Variants in TMOD1 observed in about 807,000 individuals in gnomAD.
TMOD1 encodes the protein tropomodulin 1.
Under a neutral mutation model 40.6 loss-of-function variants are expected in TMOD1, and 17 were observed. The observed-to-expected ratio is 0.42, with a 90% CI of 0.29 to 0.63. The LOEUF is 0.63. Ranked by LOEUF, TMOD1 falls within the 20% of genes least tolerant of loss-of-function variation. The pLI is 0.22. For synonymous variants in TMOD1, 181 were observed against 175.0 expected (o/e 1.03, Z -0.27); for missense variants, 391 against 447.6 (o/e 0.87, Z 1.14).
intron 9 of TMOD1, among the ~76,000 whole-genome samples, chr9:97,592,697 GCACAGACCC>G (rs1826026514): frequency 6.6e-6 from 1 of 152,170 alleles, no homozygotes; most frequent in South Asian, 2.1e-4. Context: ...AGGCAGGTGT[GCACAGACCC>G]CACATGCACA....
At position 97,552,485 on chromosome 9, in the gene TMOD1, T is replaced by C. The variant is rs556381230; in HGVS notation, c.278-796T>C. Reference sequence around the variant, plus strand: ...CTCTCCTTTCACTACATCAGAAGCTTTTGAGGATTTTACTCACTGCTGTCC... The same window carrying C: ...CTCTCCTTTCACTACATCAGAAGCTCTTGAGGATTTTACTCACTGCTGTCC... On this transcript the variant is annotated intron_variant, in intron 3 of 9. Coordinates refer to ENST00000259365, the MANE Select transcript of TMOD1 (RefSeq NM_003275.4). Among the ~76,000 whole-genome samples, 284 of 152,336 alleles carry C rather than the reference T, an allele frequency of 1.9e-3. 2 individuals carry two copies. Among genetic ancestry groups the C allele is most frequent in the African/African-American group, 6.5e-3 (270 of 41,582 alleles).
At chr9:97,509,905 C>G (rs1245877843) in intron 1 of TMOD1, among the ~76,000 whole-genome samples, 1 of 152,022 alleles carries the variant, frequency 6.6e-6, no homozygotes, top group Non-Finnish European at 1.5e-5. Flanking sequence ...GTGTATTAGC[C>G]ATTAGTATTT....
chr9:97,541,606 C>G lies in TMOD1; in HGVS notation c.121-4579C>G, dbSNP rs534397555. Among the ~76,000 whole-genome samples, 313 of 151,898 alleles carry G rather than the reference C, an allele frequency of 2.1e-3. 3 individuals carry two copies. Among genetic ancestry groups the G allele is most frequent in the African/African-American group, 7.3e-3 (304 of 41,398 alleles). On this transcript the variant is annotated intron_variant, in intron 2 of 9. Transcript: ENST00000259365. ...TCTCAGCTCACTGCAACCTCTGCCT[C>G]CTGAGTTCAAACAAATTTCATGTCT... is the stretch of plus-strand genomic sequence containing the variant.
At chr9:97,522,160 A>G (rs547697966) in intron 1 of TMOD1, among the ~76,000 whole-genome samples, 17 of 152,364 alleles carry the variant, frequency 1.1e-4, no homozygotes, top group Admixed American at 3.9e-4. Context: ...CGTGGCTTAA[A>G]TAACAGAAAC....
chr9:97,503,568 C>T (rs771848847), intron 1 of TMOD1, among the ~76,000 whole-genome samples: 33 of 152,124 alleles, frequency 2.2e-4, no homozygotes, highest in Non-Finnish European at 4.9e-4. Context: ...CTTACAAACC[C>T]GTGTTTTAGA....
Position 97,601,342 on chromosome 9 carries a change from GC to G in TMOD1, c.*1645del. 2 of 1,142,888 alleles carry G rather than the reference GC, an allele frequency of 1.7e-6. No homozygotes were observed. The highest frequency in any genetic ancestry group is 3.5e-5 in the South Asian group (2 of 56,346). 70.8% of individuals were successfully genotyped at this position (1,142,888 alleles called of 1,614,324 possible). A position where few individuals can be genotyped will look rare whatever the true frequency, so the allele number is the denominator to read the frequency against. On this transcript the variant is annotated 3_prime_UTR_variant, in exon 10 of 10. Transcript: ENST00000259365. ...AAGACTGGGCAGCCACCATGGCAGTGCTGGATGACCTCAGTAAGAATGTGTC... is the reference window on the plus strand; with the variant it reads ...AAGACTGGGCAGCCACCATGGCAGTGTGGATGACCTCAGTAAGAATGTGTC...
rs190127157 is a variant in TMOD1 at position 97,568,587 on chromosome 9, G to A, written c.727-307G>A. ...GGCAGAGACAAAGTGGGAAAGCACC[G>A]AGCAGGCATGGGGAGCTGCGAGTAG... On this transcript the variant is annotated intron_variant, in intron 7 of 9. Transcript: ENST00000259365. 4.1e-4 allele frequency among the ~76,000 whole-genome samples: 63 copies of A among 152,310 alleles called. 1 individual carries two copies. The highest frequency in any genetic ancestry group is 3.4e-3 in the Middle Eastern group (1 of 292).
At chr9:97,544,886 G>A (rs1260963533) in intron 2 of TMOD1, among the ~76,000 whole-genome samples, 1 of 151,834 alleles carries the variant, frequency 6.6e-6, no homozygotes, top group African/African-American at 2.4e-5. Flanking sequence ...TCAGGCACCT[G>A]TAATCCCAGC....
chr9:97,582,202 T>A (rs1825772763), intron 8 of TMOD1, among the ~76,000 whole-genome samples: 2 of 150,664 alleles, frequency 1.3e-5, no homozygotes, highest in Non-Finnish European at 3.0e-5. Flanking sequence ...GGATCCAGTT[T>A]CAGCTTTCTA....
chr9:97,569,145 A>C, intron 8 of TMOD1, 108 bp downstream of exon 8: 90 of 1,439,904 alleles, frequency 6.3e-5, no homozygotes, highest in Middle Eastern at 2.5e-4. Context: ...ATAGAAGCTC[A>C]GAGCCCAGCT....
Position 97,600,328 on chromosome 9 carries a change from C to A in TMOD1, c.*630C>A, listed in dbSNP as rs1014445395. ...ATATGCAGAAATGATAGGAAAAAAA[C>A]CAATGGTGAAATTTCAAGTTTCAAA... On this transcript the variant is annotated 3_prime_UTR_variant, in exon 10 of 10. Transcript: ENST00000259365. 62 of 985,892 alleles carry A rather than the reference C, an allele frequency of 6.3e-5. No individual in the cohort carries two copies. In the Admixed American group the frequency reaches 8.6e-4, roughly 14 times the overall value. The allele number at this position is 985,892 out of a possible 1,614,324, so 61.1% of individuals were successfully genotyped here.
intron 8 of TMOD1, among the ~76,000 whole-genome samples, chr9:97,572,585 A>G (rs2805807): frequency 0.45 from 68,090 of 151,938 alleles, 15,305 homozygotes; most frequent in Middle Eastern, 0.59. Flanking sequence ...CAGGTGCCCC[A>G]GCCCCAGGCT....
At chr9:97,540,460 A>G (rs183039253) in intron 2 of TMOD1, among the ~76,000 whole-genome samples, 100 of 152,078 alleles carry the variant, frequency 6.6e-4, no homozygotes, top group African/African-American at 2.2e-3. Context: ...GACTTTAATG[A>G]TCTCCTTACA....
chr9:97,573,944 G>A (rs965990061), intron 8 of TMOD1, among the ~76,000 whole-genome samples: 7 of 152,184 alleles, frequency 4.6e-5, no homozygotes, highest in African/African-American at 1.7e-4. Flanking sequence ...GGAGGGGGGA[G>A]GATCAAAGAA....
At chr9:97,591,218 G>C in intron 8 of TMOD1, 73 bp from the exon 9 acceptor site, 1 of 1,451,184 alleles carries the variant, frequency 6.9e-7, no homozygotes, top group Non-Finnish European at 9.2e-7. Context: ...TGCAGGTAGA[G>C]GTGGTTTAGG....
chr9:97,548,033 C>T (rs1830392104), intron 3 of TMOD1, among the ~76,000 whole-genome samples: 1 of 152,220 alleles, frequency 6.6e-6, no homozygotes, highest in Non-Finnish European at 1.5e-5. Context: ...TCTTGTTCAT[C>T]ATTTTGTTCC....
chr9:97,515,213 A>AAC (rs1491312625), intron 1 of TMOD1, among the ~76,000 whole-genome samples: 1 of 151,454 alleles, frequency 6.6e-6, no homozygotes, highest in South Asian at 2.1e-4. Flanking sequence ...AAAAAAAAAA[A>AAC]ACAAACCACC....
intron 4 of TMOD1, among the ~76,000 whole-genome samples, chr9:97,562,028 G>A (rs1486252941): frequency 4.6e-5 from 7 of 152,300 alleles, no homozygotes; most frequent in South Asian, 2.1e-4. Flanking sequence ...TCCATGAGCG[G>A]AGACCCAGTC....
rs1829718341 is a variant in TMOD1, at chr9:97,512,406, C to A, written c.-49+10603C>A. ...CCCACTCTATGACCTAGCAATTCCACTCCTGGGTACACACCCAAAAGAAGG... is the reference window on the plus strand; with the variant it reads ...CCCACTCTATGACCTAGCAATTCCAATCCTGGGTACACACCCAAAAGAAGG... On this transcript the variant is annotated intron_variant, in intron 1 of 9. Coordinates refer to ENST00000259365, the MANE Select transcript of TMOD1 (RefSeq NM_003275.4). 3.9e-5 allele frequency among the ~76,000 whole-genome samples: 6 copies of A among 152,218 alleles called. No homozygotes were observed. In the South Asian group the frequency reaches 1.2e-3, roughly 32 times the overall value.
Sources: gnomAD v4.1 joint callset for allele counts (sites outside exome capture counted in the v4.1 genomes callset) on GRCh38, gnomAD v4.1.1 for gene constraint, MANE v1.5 for transcripts, NCBI Gene and HGNC (gene_info 2026-07-23, HGNC 2026-07-21) for gene names.